The following OPCML variants were observed in gnomAD, a reference collection of about 807,000 sequenced individuals.
OPCML encodes opioid-binding protein/cell adhesion molecule.
A neutral mutation model predicts 37.8 loss-of-function variants in OPCML; 13 were observed. The observed-to-expected ratio is 0.34, with a 90% CI of 0.22 to 0.55. OPCML has a LOEUF of 0.55. Ranked by LOEUF, OPCML falls within the 20% of genes least tolerant of loss-of-function variation. The probability of loss-of-function intolerance (pLI) is 0.91; values close to 1 mark genes in which losing one functional copy is unlikely to be tolerated. For missense variants in OPCML, 341 were observed against 435.6 expected (o/e 0.78, Z 1.93); for synonymous variants, 176 against 168.8 (o/e 1.04, Z -0.33).
At chr11:133,107,473 T>TC (rs1949177579) in intron 1 of OPCML, among the ~76,000 whole-genome samples, 3 of 152,180 alleles carry the variant, frequency 2.0e-5, no homozygotes, top group Non-Finnish European at 4.4e-5. Flanking sequence ...AAGAAGAAAC[T>TC]TCTCATCATC....
chr11:132,709,200 A>G (rs982438550), intron 2 of OPCML, among the ~76,000 whole-genome samples: 8 of 152,328 alleles, frequency 5.3e-5, no homozygotes, highest in South Asian at 4.1e-4. Flanking sequence ...ACATGTCAGC[A>G]TACTGCGTGG....
At chr11:133,112,285 CAAAAA>C (rs370146450) in intron 1 of OPCML, among the ~76,000 whole-genome samples, 1 of 49,124 alleles carries the variant, frequency 2.0e-5, no homozygotes, top group African/African-American at 6.1e-5. Flanking sequence ...GACTCTTGGC[CAAAAA>C]AAAAAAAAAA....
intron 1 of OPCML, among the ~76,000 whole-genome samples, chr11:133,267,100 G>T (rs918359583): frequency 1.2e-4 from 18 of 152,194 alleles, no homozygotes; most frequent in Admixed American, 8.5e-4. Context: ...AGTATAACAG[G>T]AAGGACTTTG....
At chr11:132,441,170 T>TTTTTTTTGTTTTTTTTTTG in intron 4 of OPCML, among the ~76,000 whole-genome samples, 1 of 113,560 alleles carries the variant, frequency 8.8e-6, no homozygotes, top group Admixed American at 9.0e-5. Flanking sequence ...TTTTTGTTTT[T>TTTTTTTTGTTTTTTTTTTG]TTTTTTTTTT....
intron 1 of OPCML, among the ~76,000 whole-genome samples, chr11:133,343,621 C>T (rs1218550711): frequency 6.6e-6 from 1 of 152,156 alleles, no homozygotes; most frequent in Admixed American, 6.5e-5. Flanking sequence ...TACTTCAACA[C>T]AATGAGCATT....
chr11:132,684,327 G>A (rs1943076763), intron 2 of OPCML, among the ~76,000 whole-genome samples: 1 of 152,130 alleles, frequency 6.6e-6, no homozygotes, highest in South Asian at 2.1e-4. Context: ...TTATAGGTTA[G>A]TAAATTGAGC....
At chr11:133,422,647 G>A (rs1223758729) in intron 1 of OPCML, 9 of 981,042 alleles carry the variant, frequency 9.2e-6, no homozygotes, top group African/African-American at 7.0e-5. Context: ...GTGAACCACT[G>A]AGCCCGGCCA....
chr11:133,289,553 C>T (rs1172079858), intron 1 of OPCML, among the ~76,000 whole-genome samples: 2 of 146,438 alleles, frequency 1.4e-5, no homozygotes, highest in African/African-American at 5.2e-5. Context: ...CGAGATCCCG[C>T]CACTGCACTC....
At chr11:133,453,774 C>G (rs151290682) in intron 1 of OPCML, among the ~76,000 whole-genome samples, 5 of 152,228 alleles carry the variant, frequency 3.3e-5, no homozygotes, top group Non-Finnish European at 7.4e-5. Context: ...AGATAAGGGT[C>G]TTATATGTCC....
intron 1 of OPCML, among the ~76,000 whole-genome samples, chr11:133,368,076 TG>T (rs1944587086): frequency 6.6e-6 from 1 of 152,130 alleles, no homozygotes; most frequent in Admixed American, 6.5e-5. Context: ...CTGCCAGGGC[TG>T]GTTATTATAA....
chr11:132,555,555 T>C (rs891429823), intron 3 of OPCML, among the ~76,000 whole-genome samples: 8 of 152,148 alleles, frequency 5.3e-5, no homozygotes, highest in Admixed American at 3.3e-4. Flanking sequence ...GGTGGGGTCA[T>C]AGCCAAACCA....
At chr11:132,576,636 T>C (rs1219063781) in intron 3 of OPCML, among the ~76,000 whole-genome samples, 1 of 152,160 alleles carries the variant, frequency 6.6e-6, no homozygotes, top group East Asian at 1.9e-4. Flanking sequence ...TGGAGAGTTA[T>C]TTTGTTCCTT....
intron 1 of OPCML, among the ~76,000 whole-genome samples, chr11:133,475,887 TG>T (rs34498191): frequency 6.4e-4 from 98 of 152,320 alleles, no homozygotes; most frequent in African/African-American, 2.3e-3. Flanking sequence ...AAAAGGTCCT[TG>T]CCTGGTGGGA....
chr11:133,111,021 G>T (rs1425611646), intron 1 of OPCML, among the ~76,000 whole-genome samples: 3 of 152,128 alleles, frequency 2.0e-5, no homozygotes, highest in African/African-American at 7.2e-5. Context: ...GAAAAACTGA[G>T]ATAATAAGTG....
chr11:132,808,309 G>T (rs1256766090), intron 2 of OPCML, among the ~76,000 whole-genome samples: 2 of 152,234 alleles, frequency 1.3e-5, no homozygotes, highest in East Asian at 3.9e-4. Context: ...GGTCTGTCTT[G>T]ATGCGCAGTG....
At chr11:133,138,048 C>T (rs73041167) in intron 1 of OPCML, among the ~76,000 whole-genome samples, 4,525 of 152,156 alleles carry the variant, frequency 0.03, 83 homozygotes, top group South Asian at 0.07. Context: ...AAGTGGGGCC[C>T]GGTGGGAGGT....
At chr11:133,164,503 G>A (rs1432074716) in intron 1 of OPCML, among the ~76,000 whole-genome samples, 1 of 152,186 alleles carries the variant, frequency 6.6e-6, no homozygotes, top group Non-Finnish European at 1.5e-5. Flanking sequence ...AAAGAGCTTC[G>A]AGTCAGAATG....
chr11:132,633,045 G>A (rs912335072), intron 3 of OPCML, among the ~76,000 whole-genome samples: 6 of 151,966 alleles, frequency 3.9e-5, no homozygotes, highest in Non-Finnish European at 7.4e-5. Flanking sequence ...CAAGTGGACT[G>A]AGCTGGGTGA....
chr11:133,296,054 G>A (rs1167835539), intron 1 of OPCML, among the ~76,000 whole-genome samples: 1 of 152,168 alleles, frequency 6.6e-6, no homozygotes, highest in Non-Finnish European at 1.5e-5. Flanking sequence ...AGTAAAGAGA[G>A]ATGCTCCATG....
Sources: gnomAD v4.1 joint callset for allele counts (sites outside exome capture counted in the v4.1 genomes callset) on GRCh38, gnomAD v4.1.1 for gene constraint, MANE v1.5 for transcripts, NCBI Gene and HGNC (gene_info 2026-07-23, HGNC 2026-07-21) for gene names.